ZNF385D: variants seen among roughly 807,000 people sequenced by gnomAD.
ZNF385D encodes zinc finger protein 659.
In ZNF385D, 15 loss-of-function variants were observed where a neutral mutation model predicts 35.8. That is an observed-to-expected ratio of 0.42 (90% CI 0.28 to 0.64). The LOEUF (loss-of-function observed/expected upper bound fraction) is 0.64, where lower values mean the gene tolerates loss of function less well. Ranked by LOEUF, ZNF385D falls within the 30% of genes least tolerant of loss-of-function variation. The pLI is 0.23. For synonymous variants in ZNF385D, 212 were observed against 186.8 expected (o/e 1.13, Z -1.10); for missense variants, 474 against 494.6 (o/e 0.96, Z 0.39).
intron 2 of ZNF385D, among the ~76,000 whole-genome samples, chr3:22,330,211 A>C (rs925837870): frequency 1.3e-5 from 2 of 152,092 alleles, no homozygotes; most frequent in Non-Finnish European, 2.9e-5. Flanking sequence ...TTACACTTTC[A>C]TTTTTAATTT....
intron 3 of ZNF385D, among the ~76,000 whole-genome samples, chr3:21,806,162 T>C (rs1222490587): frequency 1.3e-5 from 2 of 152,030 alleles, no homozygotes; most frequent in Non-Finnish European, 2.9e-5. Flanking sequence ...CCCCTCTCTT[T>C]CACTTCTGCA....
intron 2 of ZNF385D, among the ~76,000 whole-genome samples, chr3:22,227,432 A>T (rs11914536): frequency 1.3e-5 from 2 of 152,202 alleles, no homozygotes; most frequent in Admixed American, 6.5e-5. Flanking sequence ...TGCTTCCCAG[A>T]AAGACCAAGA....
intron 3 of ZNF385D, among the ~76,000 whole-genome samples, chr3:22,091,661 A>G (rs1016874598): frequency 6.6e-6 from 1 of 152,118 alleles, no homozygotes; most frequent in Non-Finnish European, 1.5e-5. Flanking sequence ...CCTATTTCCT[A>G]AGTCAGTCCA....
At chr3:21,689,120 C>A in intron 1 of ZNF385D, among the ~76,000 whole-genome samples, 2 of 127,970 alleles carry the variant, frequency 1.6e-5, no homozygotes, top group Admixed American at 8.4e-5. Flanking sequence ...CCTGCCCCAC[C>A]TTATTGAAGC....
intron 3 of ZNF385D, among the ~76,000 whole-genome samples, chr3:21,936,473 C>A (rs1044443942): frequency 6.6e-6 from 1 of 151,874 alleles, no homozygotes; most frequent in African/African-American, 2.4e-5. Flanking sequence ...CTGTTACTAG[C>A]CCTACTCTGT....
At chr3:22,221,323 T>C (rs1273697298) in intron 2 of ZNF385D, among the ~76,000 whole-genome samples, 1 of 152,186 alleles carries the variant, frequency 6.6e-6, no homozygotes, top group Non-Finnish European at 1.5e-5. Context: ...TTATAAAACC[T>C]GTGTATTTAT....
At chr3:21,470,210 T>C (rs1206888847) in intron 4 of ZNF385D, among the ~76,000 whole-genome samples, 2 of 152,180 alleles carry the variant, frequency 1.3e-5, no homozygotes, top group Non-Finnish European at 2.9e-5. Context: ...CTTCAATAAA[T>C]ATGTACTGAA....
At chr3:21,484,372 G>A (rs532150204) in intron 4 of ZNF385D, among the ~76,000 whole-genome samples, 1 of 152,216 alleles carries the variant, frequency 6.6e-6, no homozygotes, top group South Asian at 2.1e-4. Flanking sequence ...CTAGTCTGTG[G>A]GCATTTCTGG....
chr3:21,807,457 T>A (rs559390579), intron 3 of ZNF385D, among the ~76,000 whole-genome samples: 1 of 152,222 alleles, frequency 6.6e-6, no homozygotes, highest in African/African-American at 2.4e-5. Context: ...CTCGCCAAGT[T>A]TAAAAGTAAA....
At chr3:21,961,944 A>G (rs1702620395) in intron 3 of ZNF385D, among the ~76,000 whole-genome samples, 1 of 152,278 alleles carries the variant, frequency 6.6e-6, no homozygotes. Context: ...AAGTCACCGC[A>G]AAAAGAAGTG....
chr3:21,693,683 G>A (rs547438801), intron 1 of ZNF385D, among the ~76,000 whole-genome samples: 46 of 152,138 alleles, frequency 3.0e-4, no homozygotes, highest in African/African-American at 1.1e-3. Context: ...AGAAATACTG[G>A]AATCATCTCC....
chr3:21,619,322 T>C (rs1396766520), intron 2 of ZNF385D, among the ~76,000 whole-genome samples: 3 of 152,252 alleles, frequency 2.0e-5, no homozygotes, highest in Admixed American at 6.5e-5. Flanking sequence ...ACTGGCTTGT[T>C]GTGTGTGGGT....
At chr3:21,763,585 G>C (rs35655502) in intron 3 of ZNF385D, among the ~76,000 whole-genome samples, 14,406 of 152,136 alleles carry the variant, frequency 0.095, 1,007 homozygotes, top group East Asian at 0.35. Context: ...GGCAATAAAT[G>C]TCCAGGGATG....
At chr3:21,829,094 A>G (rs1390365581) in intron 3 of ZNF385D, among the ~76,000 whole-genome samples, 1 of 152,244 alleles carries the variant, frequency 6.6e-6, no homozygotes, top group Non-Finnish European at 1.5e-5. Flanking sequence ...TGCAAGGATT[A>G]GAATGTTGAC....
chr3:21,768,889 G>A (rs931825778), intron 3 of ZNF385D, among the ~76,000 whole-genome samples: 3 of 147,016 alleles, frequency 2.0e-5, no homozygotes, highest in Non-Finnish European at 4.6e-5. Flanking sequence ...TTTGGAGTCA[G>A]ACATTAAAGA....
intron 2 of ZNF385D, among the ~76,000 whole-genome samples, chr3:22,323,401 C>T (rs1694536226): frequency 6.6e-6 from 1 of 152,050 alleles, no homozygotes; most frequent in South Asian, 2.1e-4. Context: ...GGGAATGGAG[C>T]AGAAAGGGGG....
At chr3:22,120,183 A>C (rs1319593074) in intron 3 of ZNF385D, among the ~76,000 whole-genome samples, 2 of 151,882 alleles carry the variant, frequency 1.3e-5, no homozygotes, top group South Asian at 4.1e-4. Flanking sequence ...TTAGTTTACT[A>C]GGGCTGCCAC....
intron 2 of ZNF385D, among the ~76,000 whole-genome samples, chr3:22,219,190 T>C (rs1468374754): frequency 1.3e-5 from 2 of 152,260 alleles, no homozygotes; most frequent in African/African-American, 2.4e-5. Context: ...GACATATTAT[T>C]CTTTGATTAT....
chr3:22,112,729 AG>A (rs1702598502), intron 3 of ZNF385D, among the ~76,000 whole-genome samples: 1 of 152,116 alleles, frequency 6.6e-6, no homozygotes, highest in South Asian at 2.1e-4. Context: ...AAGAGTCATG[AG>A]TTCCATTCTC....
Sources: gnomAD v4.1 joint callset for allele counts (sites outside exome capture counted in the v4.1 genomes callset) on GRCh38, gnomAD v4.1.1 for gene constraint, MANE v1.5 for transcripts, NCBI Gene and HGNC (gene_info 2026-07-23, HGNC 2026-07-21) for gene names.